Variants in DNAH6 observed in about 807,000 individuals in gnomAD.
DNAH6 encodes the protein axonemal beta dynein heavy chain 6.
In DNAH6, 340 loss-of-function variants were observed where a neutral mutation model predicts 491.4. The observed-to-expected ratio is 0.69, with a 90% CI of 0.63 to 0.76. The LOEUF (loss-of-function observed/expected upper bound fraction) is 0.76, where lower values mean the gene tolerates loss of function less well. Ranked by LOEUF, DNAH6 falls within the 30% of genes least tolerant of loss-of-function variation. The pLI is 0.00. For synonymous variants in DNAH6, 1,603 were observed against 1,686.1 expected, an observed-to-expected ratio of 0.95 and a Z score of 1.21; for missense variants, 4,443 against 4,972.2, an observed-to-expected ratio of 0.89 and a Z score of 3.20.
intron 3 of DNAH6, 45 bp downstream of exon 3, chr2:84,525,783 T>G: frequency 7.1e-7 from 1 of 1,402,454 alleles, no homozygotes; most frequent in Non-Finnish European, 9.7e-7. Flanking sequence ...CTTAATTTTG[T>G]TTTGTATAGC....
intron 11 of DNAH6, among the ~76,000 whole-genome samples, chr2:84,565,643 T>C (rs1681120065): frequency 1.3e-5 from 2 of 152,016 alleles, no homozygotes; most frequent in South Asian, 4.1e-4. Context: ...ATTTCTTTGT[T>C]AGTTTTCTGC....
At chr2:84,710,726 C>A (rs557074430) in intron 56 of DNAH6, among the ~76,000 whole-genome samples, 2 of 152,072 alleles carry the variant, frequency 1.3e-5, no homozygotes, top group East Asian at 3.9e-4. Flanking sequence ...GTAGTGCAGT[C>A]AGGATTATGT....
chr2:84,537,313 T>C (rs1486685866), intron 4 of DNAH6, among the ~76,000 whole-genome samples: 2 of 152,040 alleles, frequency 1.3e-5, no homozygotes, highest in Non-Finnish European at 2.9e-5. Flanking sequence ...ATAGTTCAGA[T>C]TCTTTTTTTC....
At chr2:84,645,641 T>C (rs186828174) in intron 33 of DNAH6, among the ~76,000 whole-genome samples, 1 of 152,322 alleles carries the variant, frequency 6.6e-6, no homozygotes, top group East Asian at 1.9e-4. Context: ...AAGTTCCTTA[T>C]AGATGCTGGA....
upstream of DNAH6, among the ~76,000 whole-genome samples, chr2:84,511,659 A>G (rs901282925): frequency 2.6e-5 from 4 of 152,160 alleles, no homozygotes; most frequent in Non-Finnish European, 5.9e-5. Flanking sequence ...TGTCTTCTGT[A>G]TCGCTCACGC....
At chr2:84,644,706 C>G (rs910495837) in intron 33 of DNAH6, among the ~76,000 whole-genome samples, 21 of 152,140 alleles carry the variant, frequency 1.4e-4, no homozygotes, top group Non-Finnish European at 2.9e-5. Flanking sequence ...ATGTTCTGTT[C>G]CTGCATTAGT....
At chr2:84,790,767 A>G (rs1677651200) in intron 68 of DNAH6, among the ~76,000 whole-genome samples, 2 of 152,256 alleles carry the variant, frequency 1.3e-5, no homozygotes, top group African/African-American at 2.4e-5. Context: ...TGGAAGCCTC[A>G]TACCTGCTGG....
chr2:84,613,807 A>C (rs1686564684), intron 22 of DNAH6, among the ~76,000 whole-genome samples: 1 of 152,078 alleles, frequency 6.6e-6, no homozygotes, highest in Non-Finnish European at 1.5e-5. Context: ...ATACTTGGTA[A>C]ATACTTAATA....
At chr2:84,627,239 A>AT (rs2104432240) in intron 29 of DNAH6, among the ~76,000 whole-genome samples, 1 of 152,300 alleles carries the variant, frequency 6.6e-6, no homozygotes, top group East Asian at 1.9e-4. Context: ...GCACACTCAG[A>AT]TTTCAGGACC....
rs557227670 is a variant in DNAH6 at position 84,815,758 on chromosome 2, G to GT, written c.12151-97dup. ...GAATAATAACAGCAATGTATAGAGT[G>GT]TTTTTTAGAATTACCTGGTGAGGAT... On this transcript the variant is annotated intron_variant, in intron 75 of 76. Transcript: ENST00000389394. 2.1e-4 allele frequency: 178 copies of GT among 844,462 alleles called. No homozygotes were observed. In the East Asian group the frequency reaches 3.9e-3, roughly 19 times the overall value. 52.3% of individuals were successfully genotyped at this position (844,462 alleles called of 1,614,324 possible).
At chr2:84,637,142 G>A in intron 30 of DNAH6, 68 bp from the exon 31 acceptor site, 1 of 1,360,480 alleles carries the variant, frequency 7.4e-7, no homozygotes, top group Non-Finnish European at 9.9e-7. Flanking sequence ...TTGTATTCGA[G>A]TAATAATTAG....
At chr2:84,759,125 G>A (rs6734517) in intron 63 of DNAH6, among the ~76,000 whole-genome samples, 21,109 of 151,302 alleles carry the variant, frequency 0.14, 1,635 homozygotes, top group African/African-American at 0.21. Context: ...ATCAACATAC[G>A]AAAATCAGTA....
chr2:84,796,527 A>G (rs1678364406), intron 69 of DNAH6, 102 bp downstream of exon 69: 1 of 1,021,888 alleles, frequency 9.8e-7, no homozygotes, highest in Non-Finnish European at 1.4e-6. Flanking sequence ...GGTCTCCACA[A>G]CGCTGTTATA....
At chr2:84,586,937 A>G (rs1405056259) in intron 15 of DNAH6, among the ~76,000 whole-genome samples, 2 of 152,206 alleles carry the variant, frequency 1.3e-5, no homozygotes, top group Non-Finnish European at 2.9e-5. Flanking sequence ...ATGTATAATC[A>G]TGCATTTTTT....
chr2:84,635,086 G>A (rs1232620838), intron 30 of DNAH6, among the ~76,000 whole-genome samples: 3 of 152,210 alleles, frequency 2.0e-5, no homozygotes, highest in East Asian at 1.9e-4. Flanking sequence ...ACGTCCTCTC[G>A]ATTCAACAAT....
In DNAH6 at chr2:84,705,597, G is replaced by T; in HGVS notation, c.8577G>T (p.Lys2859Asn). The T allele has an allele frequency of 6.4e-7, 1 of 1,551,602 alleles. No individual in the cohort carries two copies. Among genetic ancestry groups the T allele is most frequent in the South Asian group, 1.2e-5 (1 of 84,052 alleles). ...IKPQILAKLQ[K>N]YINNPDFVPE... is the part of the protein sequence containing the mutation. ...CTCAGATATTGGCAAAGCTTCAAAAGTATATTAATAATCCTGATTTTGTGC... is the reference window on the plus strand; with the variant it reads ...CTCAGATATTGGCAAAGCTTCAAAATTATATTAATAATCCTGATTTTGTGC... Residue 2859 changes from lysine to asparagine, a missense_variant, in exon 52 of 77, where the codon AAG becomes AAT. By Grantham distance (94) the Lys-to-Asn change is moderately conservative (BLOSUM62 0). Around this residue, in one of 3 missense-constraint regions of DNAH6, gnomAD observed 1,463 missense variants for 1,656.6 expected, o/e 0.88. Coordinates refer to ENST00000389394, the MANE Select transcript of DNAH6 (RefSeq NM_001370.2).
chr2:84,595,407 C>A (rs1217974433), intron 17 of DNAH6, among the ~76,000 whole-genome samples: 1 of 151,980 alleles, frequency 6.6e-6, no homozygotes, highest in Non-Finnish European at 1.5e-5. Context: ...TGAATATTGA[C>A]CCTCAGAAAT....
rs1323843098 is a variant in DNAH6 at position 84,762,863 on chromosome 2, C to T, written c.10621C>T (p.Pro3541Ser). 1.3e-6 allele frequency: 2 copies of T among 1,551,390 alleles called. No individual in the cohort carries two copies. The highest frequency in any genetic ancestry group is 3.9e-5 in the Admixed American group (2 of 50,984). ...GTATCAAGACATGTCATGCAACACTCCCCTGGTATTCATCCTAAGCACAGG... is the reference window on the plus strand; with the variant it reads ...GTATCAAGACATGTCATGCAACACTTCCCTGGTATTCATCCTAAGCACAGG... ...TLYQDMSCNT[P>S]LVFILSTGSD... Residue 3541 changes from proline (P) to serine (S), a missense_variant, in exon 64 of 77, where the codon CCC becomes TCC. Physicochemically the swap from Pro to Ser is moderately conservative, Grantham distance 74 (BLOSUM62 -1). This residue lies in a region of DNAH6 where 1,463 missense variants were observed against 1,656.6 expected (regional missense o/e 0.88). Transcript: ENST00000389394.
Position 84,658,428 on chromosome 2 carries a change from T to C in DNAH6, c.5894T>C (p.Leu1965Ser). 6.5e-7 allele frequency: 1 copy of C among 1,543,332 alleles called. No individual in the cohort carries two copies. The highest frequency in any genetic ancestry group is 8.7e-7 in the Non-Finnish European group (1 of 1,142,940). ...AGCAAAGTTACTACACTCTGTTGCTTATTGGAGTCCTTGATACTTGGGAAA... is the reference window on the plus strand; with the variant it reads ...AGCAAAGTTACTACACTCTGTTGCTCATTGGAGTCCTTGATACTTGGGAAA... ...DISKVTTLCC[L>S]LESLILGKDG... The change falls in exon 36 of 77, where the codon TTA becomes TCA. Residue 1965 changes from leucine to serine, a missense_variant. Physicochemically the swap from Leu to Ser is moderately radical, Grantham distance 145. Coordinates refer to ENST00000389394, the MANE Select transcript of DNAH6 (RefSeq NM_001370.2).
Sources: allele counts gnomAD v4.1 joint callset (sites outside exome capture counted in the v4.1 genomes callset), GRCh38; gene constraint gnomAD v4.1.1; regional missense constraint gnomAD v4.1.1; transcripts MANE v1.5; gene names NCBI Gene and HGNC (gene_info 2026-07-23, HGNC 2026-07-21).